KCNMA1: variants seen among roughly 807,000 people sequenced by gnomAD.
KCNMA1 encodes Calcium-activated potassium channel subunit alpha-1.
Under a neutral mutation model 140.0 loss-of-function variants are expected in KCNMA1, and 29 were observed. The observed-to-expected ratio is 0.21, with a 90% CI of 0.15 to 0.28. The LOEUF (loss-of-function observed/expected upper bound fraction) is 0.28, where lower values mean the gene tolerates loss of function less well. Ranked by LOEUF, KCNMA1 falls within the 10% of genes least tolerant of loss-of-function variation. The pLI, the probability that KCNMA1 is intolerant of heterozygous loss-of-function variation, is 1.00. For missense variants in KCNMA1, 880 were observed against 1,602.2 expected (o/e 0.55, Z 7.70); for synonymous variants, 612 against 611.9 (o/e 1.00, Z 0.00).
intron 8 of KCNMA1, among the ~76,000 whole-genome samples, chr10:77,109,034 A>C (rs1490745162): frequency 6.6e-6 from 1 of 151,196 alleles, no homozygotes. Flanking sequence ...AAACACCAAA[A>C]GATTAAAAAC....
chr10:77,459,967 T>C (rs889689000), intron 1 of KCNMA1, among the ~76,000 whole-genome samples: 5 of 152,196 alleles, frequency 3.3e-5, no homozygotes, highest in African/African-American at 9.7e-5. Context: ...TGGCAAACTT[T>C]TTCCATAAAG....
At chr10:77,379,156 C>T (rs1400196263) in intron 2 of KCNMA1, among the ~76,000 whole-genome samples, 3 of 152,196 alleles carry the variant, frequency 2.0e-5, no homozygotes, top group Non-Finnish European at 2.9e-5. Context: ...GGAAAGACAA[C>T]AGACCAAATA....
intron 2 of KCNMA1, among the ~76,000 whole-genome samples, chr10:77,328,180 C>A (rs2084949380): frequency 6.6e-6 from 1 of 152,196 alleles, no homozygotes; most frequent in African/African-American, 2.4e-5. Context: ...ACAATACATG[C>A]AAAACAGTAC....
intron 6 of KCNMA1, among the ~76,000 whole-genome samples, chr10:77,117,539 CAAAAAAAAAA>C (rs56926398): frequency 2.2e-4 from 5 of 22,514 alleles, no homozygotes; most frequent in South Asian, 6.6e-3. Flanking sequence ...GAGTCTATCT[CAAAAAAAAAA>C]AAAAAAAAAA....
intron 18 of KCNMA1, among the ~76,000 whole-genome samples, chr10:77,010,564 A>G (rs573931542): frequency 7.2e-5 from 11 of 152,148 alleles, no homozygotes; most frequent in Middle Eastern, 3.4e-3. Context: ...GTCAGTGGAA[A>G]CAGGGGGAGG....
downstream of KCNMA1, chr10:76,875,918 T>G (rs1275517760): frequency 1.3e-5 from 2 of 152,646 alleles, no homozygotes; most frequent in Non-Finnish European, 2.9e-5. Flanking sequence ...AAGTAGTTTT[T>G]AAACAATCCA....
In KCNMA1 at chr10:76,885,111, A is replaced by G; in HGVS notation, c.*2155T>C. 6.6e-7 allele frequency: 1 copy of G among 1,507,432 alleles called. No individual in the cohort carries two copies. Among genetic ancestry groups the G allele is most frequent in the African/African-American group, 1.4e-5 (1 of 71,588 alleles). 93.4% of individuals were successfully genotyped at this position (1,507,432 alleles called of 1,614,324 possible). ...CTTTAACTGGCACATTCTTATAGTT[A>G]TAAATGTTCTGAGGGCGTAACTTTA... On this transcript the variant is annotated 3_prime_UTR_variant, in exon 28 of 28. Transcript: ENST00000286628.
At chr10:77,029,364 C>A (rs2093745003) in intron 15 of KCNMA1, among the ~76,000 whole-genome samples, 1 of 152,072 alleles carries the variant, frequency 6.6e-6, no homozygotes, top group Admixed American at 6.6e-5. Flanking sequence ...TCAATTTAAT[C>A]CCCTCAATAT....
intron 1 of KCNMA1, among the ~76,000 whole-genome samples, chr10:77,554,910 A>G (rs1032415906): frequency 6.6e-6 from 1 of 152,188 alleles, no homozygotes; most frequent in Admixed American, 6.5e-5. Context: ...TGAAGGGGAT[A>G]GCCAATCACA....
In KCNMA1 at chr10:77,454,989, C is replaced by T. The variant is rs1385557892; in HGVS notation, c.379-50966G>A. Among the ~76,000 whole-genome samples, 3 of 152,168 alleles carry T rather than the reference C, an allele frequency of 2.0e-5. No individual in the cohort carries two copies. In the East Asian group the frequency reaches 5.8e-4, roughly 29 times the overall value. On this transcript the variant is annotated intron_variant, in intron 1 of 27. Coordinates refer to ENST00000286628, the MANE Select transcript of KCNMA1 (RefSeq NM_001161352.2). ...CCAAGCCACTAGAACCCTGGACCCT[C>T]CACCACAGGTACCTTGTGGCAGTTG...
intron 5 of KCNMA1, among the ~76,000 whole-genome samples, chr10:77,179,729 GA>G (rs1405345283): frequency 6.6e-6 from 1 of 152,118 alleles, no homozygotes; most frequent in African/African-American, 2.4e-5. Flanking sequence ...CCACTCCCAG[GA>G]GATGTGACCT....
At chr10:77,158,193 T>G (rs1056666286) in intron 5 of KCNMA1, among the ~76,000 whole-genome samples, 1 of 152,112 alleles carries the variant, frequency 6.6e-6, no homozygotes, top group African/African-American at 2.4e-5. Flanking sequence ...GAATCTTCTT[T>G]GAGGCAAAAG....
At chr10:77,340,532 T>TA (rs1251204682) in intron 2 of KCNMA1, among the ~76,000 whole-genome samples, 5 of 151,860 alleles carry the variant, frequency 3.3e-5, no homozygotes, top group Non-Finnish European at 7.4e-5. Context: ...TATGCAGCCA[T>TA]AAAAAAAGGA....
At chr10:77,052,109 T>C (rs1250698629) in intron 14 of KCNMA1, among the ~76,000 whole-genome samples, 1 of 152,214 alleles carries the variant, frequency 6.6e-6, no homozygotes, top group Non-Finnish European at 1.5e-5. Context: ...ATGTGGGGCC[T>C]GTGATTCATG....
chr10:77,025,412 G>C (rs1479668413), intron 16 of KCNMA1: 2 of 1,587,444 alleles, frequency 1.3e-6, no homozygotes, highest in African/African-American at 2.7e-5. Flanking sequence ...ATAGAGGGTG[G>C]AGGTTGGAAG....
chr10:77,044,816 C>T (rs1431354452), intron 14 of KCNMA1, among the ~76,000 whole-genome samples: 3 of 152,174 alleles, frequency 2.0e-5, no homozygotes, highest in East Asian at 1.9e-4. Context: ...AAAGTGAATC[C>T]GTGGTACAAA....
At chr10:77,451,331 C>A (rs575450478) in intron 1 of KCNMA1, among the ~76,000 whole-genome samples, 6 of 152,140 alleles carry the variant, frequency 3.9e-5, no homozygotes, top group Non-Finnish European at 8.8e-5. Flanking sequence ...AAAGAGGAAC[C>A]CTGTGCCCCT....
At chr10:77,559,404 C>A (rs538808632) in intron 1 of KCNMA1, among the ~76,000 whole-genome samples, 1 of 152,310 alleles carries the variant, frequency 6.6e-6, no homozygotes, top group South Asian at 2.1e-4. Flanking sequence ...GGTGCCCAGG[C>A]AGCTGTGTAA....
chr10:77,074,280 T>A (rs1277792219), intron 13 of KCNMA1, among the ~76,000 whole-genome samples: 1 of 152,176 alleles, frequency 6.6e-6, no homozygotes, highest in East Asian at 1.9e-4. Flanking sequence ...AAAGCCAGTG[T>A]TTACTTTTTA....
Sources: allele counts gnomAD v4.1 joint callset (sites outside exome capture counted in the v4.1 genomes callset), GRCh38; gene constraint gnomAD v4.1.1; transcripts MANE v1.5; gene names NCBI Gene and HGNC (gene_info 2026-07-23, HGNC 2026-07-21).